SORBS3: variants seen among roughly 807,000 people sequenced by gnomAD.
SORBS3 encodes the protein vinexin.
Under a neutral mutation model 98.0 loss-of-function variants are expected in SORBS3, and 69 were observed. The ratio of observed to expected loss-of-function variants is 0.70; its 90% CI spans 0.58 to 0.86. SORBS3 has a LOEUF of 0.86. Ranked by LOEUF, SORBS3 falls within the 40% of genes least tolerant of loss-of-function variation. The pLI, the probability that SORBS3 is intolerant of heterozygous loss-of-function variation, is 0.00. For missense variants in SORBS3, 954 were observed against 908.5 expected (o/e 1.05, Z -0.64); for synonymous variants, 394 against 355.4 (o/e 1.11, Z -1.22).
chr8:22,545,674 C>T (rs917752392), intron 1 of SORBS3, among the ~76,000 whole-genome samples: 4 of 152,352 alleles, frequency 2.6e-5, no homozygotes, highest in African/African-American at 7.2e-5. Context: ...GACATGGAGG[C>T]GGACTGTCCC....
chr8:22,565,181 C>T, intron 10 of SORBS3, 87 bp from the exon 11 acceptor site: 1 of 1,491,294 alleles, frequency 6.7e-7, no homozygotes, highest in Non-Finnish European at 9.1e-7. Context: ...GGTGCGCTGG[C>T]CTTGCTTTTC....
At chr8:22,552,762 C>T (rs747840823) in intron 1 of SORBS3, among the ~76,000 whole-genome samples, 2 of 152,204 alleles carry the variant, frequency 1.3e-5, no homozygotes, top group Non-Finnish European at 2.9e-5. Flanking sequence ...AGGGGTGCTG[C>T]GAGGAGCCGA....
chr8:22,557,007 C>T (rs771076852), intron 4 of SORBS3, 99 bp downstream of exon 4: 26 of 1,324,506 alleles, frequency 2.0e-5, no homozygotes, highest in African/African-American at 5.8e-5. Context: ...ATAAAGGCCG[C>T]ACCCAAACCA....
At chr8:22,567,558 C>T (rs575594988) in intron 16 of SORBS3, among the ~76,000 whole-genome samples, 4 of 152,194 alleles carry the variant, frequency 2.6e-5, no homozygotes, top group African/African-American at 4.8e-5. Flanking sequence ...GGTGTATTAC[C>T]GCCCTGGTTC....
intron 20 of SORBS3, among the ~76,000 whole-genome samples, chr8:22,574,177 C>CCCTCCT (rs890331764): frequency 3.3e-5 from 5 of 152,178 alleles, no homozygotes; most frequent in African/African-American, 1.2e-4. Flanking sequence ...GGGTTCCCCC[C>CCCTCCT]CCTCCTCCTC....
In SORBS3 at chr8:22,554,249, T is replaced by G; in HGVS notation, c.-55-203T>G. 8.7e-6 allele frequency: 3 copies of G among 345,678 alleles called. No individual in the cohort carries two copies. Among genetic ancestry groups the G allele is most frequent in the East Asian group, 1.3e-4 (2 of 15,018 alleles). The allele number at this position is 345,678 out of a possible 1,614,324, so 21.4% of individuals were successfully genotyped here. A position where few individuals can be genotyped will look rare whatever the true frequency, so the allele number is the denominator to read the frequency against. ...TGCCCTGGGCCTAACAAGTGGTCCA[T>G]TGTGCCCCTGGGAGCCGGCAGGCAC... On this transcript the variant is annotated intron_variant, in intron 1 of 20. Transcript: ENST00000240123. The surrounding 1 kb of genome is among the most constrained non-coding windows in gnomAD (Gnocchi z 6.5).
At chr8:22,565,078 G>A in intron 10 of SORBS3, 190 bp from the exon 11 acceptor site, 1 of 1,433,716 alleles carries the variant, frequency 7.0e-7, no homozygotes, top group Non-Finnish European at 9.1e-7. Flanking sequence ...GGGCAGGTGA[G>A]AGGCCGTGGC....
At chr8:22,565,447 G>A (rs866854722) in intron 11 of SORBS3, 93 bp downstream of exon 11, 1 of 1,012,610 alleles carries the variant, frequency 9.9e-7, no homozygotes, top group Non-Finnish European at 1.4e-6. Context: ...GGCGGAGGAC[G>A]GGCAGCCGAG....
chr8:22,564,080 A>G lies in SORBS3; in HGVS notation c.675+3A>G. ...CTGTGCTGCAGCCCTCAAATCAGGT[A>G]GCCCACCCAGCATAGTCCCTGGTCA... On this transcript the variant is annotated splice_donor_region_variant and intron_variant, in intron 8 of 20. Coordinates refer to ENST00000240123, the MANE Select transcript of SORBS3 (RefSeq NM_005775.5). The G allele has an allele frequency of 3.1e-6, 5 of 1,613,198 alleles. No individual in the cohort carries two copies. The highest frequency in any genetic ancestry group is 4.2e-6 in the Non-Finnish European group (5 of 1,179,704).
At position 22,574,851 on chromosome 8, in the gene SORBS3, C is replaced by G; in HGVS notation, c.*123C>G. ...GACCTGAGCTCCCAGCATCTGCAGA[C>G]GACCCCCGCAGCCTTTCCCTCGGAC... On this transcript the variant is annotated 3_prime_UTR_variant, in exon 21 of 21. Transcript: ENST00000240123. The G allele has an allele frequency of 1.0e-6, 1 of 954,928 alleles. No individual in the cohort carries two copies. 59.2% of individuals were successfully genotyped at this position (954,928 alleles called of 1,614,324 possible).
intron 6 of SORBS3, 180 bp downstream of exon 6, chr8:22,561,553 A>G: frequency 1.5e-6 from 1 of 676,702 alleles, no homozygotes. Context: ...GGTAATTAAC[A>G]GCCTCAGCTT....
At chr8:22,569,309 C>A in intron 17 of SORBS3, 36 bp downstream of exon 17, 1 of 1,528,796 alleles carries the variant, frequency 6.5e-7, no homozygotes, top group Non-Finnish European at 8.8e-7. Context: ...TGGGTGGGGG[C>A]AGGTGAAGAT....
chr8:22,553,309 C>T (rs919665503), intron 1 of SORBS3, among the ~76,000 whole-genome samples: 3 of 152,194 alleles, frequency 2.0e-5, no homozygotes, highest in African/African-American at 4.8e-5. Flanking sequence ...GCATTTGCAG[C>T]CCTCCCTGAG....
chr8:22,562,987 C>T (rs985987558), intron 7 of SORBS3, among the ~76,000 whole-genome samples: 2 of 152,068 alleles, frequency 1.3e-5, no homozygotes, highest in African/African-American at 2.4e-5. Context: ...GGCGCGGTGG[C>T]GGGTGCCTGT....
chr8:22,548,564 A>G (rs551709686), upstream of SORBS3, among the ~76,000 whole-genome samples: 1 of 152,196 alleles, frequency 6.6e-6, no homozygotes, highest in South Asian at 2.1e-4. Context: ...CAAAAAATCT[A>G]CTCAAAGCAC....
chr8:22,565,398 C>T, intron 11 of SORBS3, 44 bp downstream of exon 11: 1 of 1,479,876 alleles, frequency 6.8e-7, no homozygotes, highest in Non-Finnish European at 9.1e-7. Flanking sequence ...CCGGCGACCG[C>T]AGGGTCGGGG....
chr8:22,562,887 C>G, intron 7 of SORBS3, among the ~76,000 whole-genome samples: 1 of 152,270 alleles, frequency 6.6e-6, no homozygotes, highest in East Asian at 1.9e-4. Context: ...GAGGCTGAGG[C>G]GGGCGGATCA....
intron 10 of SORBS3, chr8:22,565,027 T>G: frequency 7.2e-7 from 1 of 1,397,732 alleles, no homozygotes; most frequent in South Asian, 1.5e-5. Context: ...GACTGCGGAA[T>G]CGCGGGATCA....
At chr8:22,550,596 C>T (rs1439298678), upstream of SORBS3, among the ~76,000 whole-genome samples, 1 of 152,162 alleles carries the variant, frequency 6.6e-6, no homozygotes, top group Non-Finnish European at 1.5e-5. Context: ...TTTACCAGAA[C>T]GAGGGAGAAG....
Sources: allele counts gnomAD v4.1 joint callset (sites outside exome capture counted in the v4.1 genomes callset), GRCh38; gene constraint gnomAD v4.1.1; non-coding constraint Gnocchi (gnomAD v3.1); transcripts MANE v1.5; gene names NCBI Gene and HGNC (gene_info 2026-07-23, HGNC 2026-07-21).